Variants in SP3 observed in about 807,000 individuals in gnomAD.
The protein encoded by SP3 is Sp3 transcription factor, also known as transcription factor Sp3.
Under a neutral mutation model 70.3 loss-of-function variants are expected in SP3, and 10 were observed. The observed-to-expected ratio is 0.14, with a 90% CI of 0.09 to 0.24. The LOEUF is 0.24. SP3 is among the 10% of genes least tolerant of loss of function. The pLI is 1.00. For synonymous variants in SP3, 402 were observed against 333.5 expected, an observed-to-expected ratio of 1.21 and a Z score of -2.24; for missense variants, 825 against 914.6, an observed-to-expected ratio of 0.90 and a Z score of 1.26.
chr2:173,908,637 T>C lies in SP3; in HGVS notation c.*1304A>G, dbSNP rs1689391397. 1 of 152,438 alleles carries C rather than the reference T, an allele frequency of 6.6e-6. No individual in the cohort carries two copies. The highest frequency in any genetic ancestry group is 6.6e-5 in the Admixed American group (1 of 15,256). 9.4% of individuals were successfully genotyped at this position (152,438 alleles called of 1,614,324 possible). ...TTGAGGTGGTCTTAAGAATAACAAA[T>C]GAACAGAATTCCAAATTTTTGAAAT... On this transcript the variant is annotated 3_prime_UTR_variant, in exon 7 of 7. Coordinates refer to ENST00000310015, the MANE Select transcript of SP3 (RefSeq NM_003111.5).
rs1439630097 is a variant in SP3, at chr2:173,904,779, T to C, written c.*5162A>G. ...AGGGATGTAAGTCGGACAGATATCC[T>C]AAAAGGTCACTAAGCCAATACTTCC... On this transcript the variant is annotated 3_prime_UTR_variant, in exon 7 of 7. Coordinates refer to ENST00000310015, the MANE Select transcript of SP3 (RefSeq NM_003111.5). Among the ~76,000 whole-genome samples the C allele has an allele frequency of 2.0e-5, 3 of 152,212 alleles. No individual in the cohort carries two copies. The highest frequency in any genetic ancestry group is 7.2e-5 in the African/African-American group (3 of 41,462).
intron 4 of SP3, among the ~76,000 whole-genome samples, chr2:173,935,127 T>C (rs1690173821): frequency 6.6e-6 from 1 of 152,086 alleles, no homozygotes; most frequent in African/African-American, 2.4e-5. Flanking sequence ...TGCCTGTAAT[T>C]GGAGGCCGAG....
At chr2:173,944,612 T>C (rs112269546) in intron 4 of SP3, among the ~76,000 whole-genome samples, 5,002 of 152,248 alleles carry the variant, frequency 0.033, 143 homozygotes, top group Admixed American at 0.1. Context: ...ATAAAGTTCT[T>C]CTCTTGGAAT....
Position 173,909,685 on chromosome 2 carries a change from T to G in SP3, c.*256A>C. On this transcript the variant is annotated 3_prime_UTR_variant, in exon 7 of 7. Transcript: ENST00000310015. ...TACCATTCGCATTGTTAAATTCAATTTTCTCTTTATATAACTTGGTAAAAT... is the reference window on the plus strand; with the variant it reads ...TACCATTCGCATTGTTAAATTCAATGTTCTCTTTATATAACTTGGTAAAAT... 3.2e-6 allele frequency: 1 copy of G among 311,784 alleles called. No individual in the cohort carries two copies. The highest frequency in any genetic ancestry group is 6.0e-6 in the Non-Finnish European group (1 of 167,024). 19.3% of individuals were successfully genotyped at this position (311,784 alleles called of 1,614,324 possible).
At chr2:173,931,774 G>A (rs1690074630) in intron 4 of SP3, among the ~76,000 whole-genome samples, 1 of 152,154 alleles carries the variant, frequency 6.6e-6, no homozygotes, top group African/African-American at 2.4e-5. Flanking sequence ...TAAACCTCAT[G>A]GACCAGTATT....
At position 173,963,886 on chromosome 2, in the gene SP3, AC is replaced by A; in HGVS notation, c.157-4del. 1 of 1,496,192 alleles carries A rather than the reference AC, an allele frequency of 6.7e-7. No homozygotes were observed. Among genetic ancestry groups the A allele is most frequent in the Non-Finnish European group, 8.9e-7 (1 of 1,120,548 alleles). The allele number at this position is 1,496,192 out of a possible 1,614,324, so 92.7% of individuals were successfully genotyped here. ...GCGAGCGGTGACGGCTGAGTGTCCT[AC>A]CCCCAATGGGCGGGTTCAGAGAGGG... is the stretch of plus-strand genomic sequence containing the variant. On this transcript the variant is annotated splice_region_variant and splice_polypyrimidine_tract_variant and intron_variant, in intron 2 of 6. Coordinates refer to ENST00000310015, the MANE Select transcript of SP3 (RefSeq NM_003111.5).
intron 4 of SP3, among the ~76,000 whole-genome samples, chr2:173,924,278 C>G: frequency 6.6e-6 from 1 of 152,248 alleles, no homozygotes; most frequent in African/African-American, 2.4e-5. Flanking sequence ...ATTTTATATA[C>G]ACATACATAT....
chr2:173,963,774 G>C lies in SP3; in HGVS notation c.266C>G (p.Ala89Gly), dbSNP rs1691165401. ...EEAAAAAGAP[A>G]AAGATGDLAS... ...CGCGGGACTTACCGCTCCGGCGGCG[G>C]CGGGGGCCCCGGCTGCGGCGGCCGC... is the stretch of plus-strand genomic sequence containing the variant. The change falls in exon 3 of 7, where the codon GCC becomes GGC. Residue 89 changes from alanine to glycine, a missense_variant. Physicochemically the swap from Ala to Gly is moderately conservative, Grantham distance 60. Around this residue, in one of 4 missense-constraint regions of SP3, gnomAD observed 678 missense variants for 651.6 expected, o/e 1.04. Transcript: ENST00000310015. The C allele has an allele frequency of 6.0e-6, 8 of 1,327,282 alleles. No homozygotes were observed. Among genetic ancestry groups the C allele is most frequent in the Middle Eastern group, 3.0e-4 (1 of 3,350 alleles). The allele number at this position is 1,327,282 out of a possible 1,614,324, so 82.2% of individuals were successfully genotyped here.
chr2:173,919,606 G>A (rs912695072), intron 4 of SP3, among the ~76,000 whole-genome samples: 4 of 152,046 alleles, frequency 2.6e-5, no homozygotes, highest in African/African-American at 7.2e-5. Flanking sequence ...GTAAGAAAAG[G>A]TATTCAACAT....
intron 4 of SP3, among the ~76,000 whole-genome samples, chr2:173,947,094 A>G (rs759443422): frequency 6.6e-6 from 1 of 152,128 alleles, no homozygotes; most frequent in Non-Finnish European, 1.5e-5. Context: ...ACATCTCTGT[A>G]ATGTCTGTGA....
intron 4 of SP3, among the ~76,000 whole-genome samples, chr2:173,928,203 TAAG>T (rs1312675201): frequency 2.0e-5 from 3 of 152,184 alleles, no homozygotes; most frequent in Admixed American, 1.3e-4. Flanking sequence ...AGGCTACTCT[TAAG>T]AAACTCAAAC....
intron 4 of SP3, among the ~76,000 whole-genome samples, chr2:173,935,780 A>G (rs924432076): frequency 2.0e-5 from 3 of 152,162 alleles, no homozygotes; most frequent in Non-Finnish European, 4.4e-5. Context: ...AATTCAATCC[A>G]TTCCAACTAG....
chr2:173,965,244 G>C lies in SP3; in HGVS notation c.-73C>G, dbSNP rs1182988551. The C allele has an allele frequency of 6.6e-7, 1 of 1,519,868 alleles. No individual in the cohort carries two copies. Among genetic ancestry groups the C allele is most frequent in the Non-Finnish European group, 8.9e-7 (1 of 1,122,650 alleles). 94.1% of individuals were successfully genotyped at this position (1,519,868 alleles called of 1,614,324 possible). On this transcript the variant is annotated 5_prime_UTR_variant, in exon 1 of 7. Coordinates refer to ENST00000310015, the MANE Select transcript of SP3 (RefSeq NM_003111.5). ...GGTGAGGAGCGAAGGCGGCGGCGGC[G>C]GGAGAGGATGCGGGAAGCGGCGGCG...
At chr2:173,965,114 GGCA>G (rs749658624) in intron 1 of SP3, 48 bp downstream of exon 1, 25 of 1,546,322 alleles carry the variant, frequency 1.6e-5, no homozygotes, top group Middle Eastern at 4.4e-4. Context: ...TGTGGTCGGC[GGCA>G]GCGGCGGCGG....
chr2:173,912,432 G>T (rs1252235605), intron 6 of SP3, among the ~76,000 whole-genome samples: 2 of 152,206 alleles, frequency 1.3e-5, no homozygotes, highest in Non-Finnish European at 2.9e-5. Flanking sequence ...CAATTCTCCA[G>T]TGTTGAGCAT....
chr2:173,916,285 T>C (rs1689616871), intron 5 of SP3: 1 of 152,066 alleles, frequency 6.6e-6, no homozygotes, highest in Non-Finnish European at 1.5e-5. Flanking sequence ...ATTCTCAGAA[T>C]ACGGAAAACT....
At chr2:173,961,264 C>CT (rs1409441143) in intron 3 of SP3, among the ~76,000 whole-genome samples, 2 of 152,178 alleles carry the variant, frequency 1.3e-5, no homozygotes, top group Non-Finnish European at 2.9e-5. Flanking sequence ...ACCAAACACC[C>CT]TTGGCTAGGA....
At chr2:173,940,450 C>A (rs369003667) in intron 4 of SP3, among the ~76,000 whole-genome samples, 3 of 152,312 alleles carry the variant, frequency 2.0e-5, no homozygotes, top group South Asian at 4.1e-4. Flanking sequence ...GCTTATCGCC[C>A]ACTGCTTACT....
intron 4 of SP3, among the ~76,000 whole-genome samples, chr2:173,927,079 CA>C (rs1358437500): frequency 2.6e-5 from 4 of 151,868 alleles, no homozygotes; most frequent in African/African-American, 9.7e-5. Flanking sequence ...AAGAGGGTGG[CA>C]AGAGGTGCCA....
Sources: allele counts gnomAD v4.1 joint callset (sites outside exome capture counted in the v4.1 genomes callset), GRCh38; gene constraint gnomAD v4.1.1; regional missense constraint gnomAD v4.1.1; transcripts MANE v1.5; gene names NCBI Gene and HGNC (gene_info 2026-07-23, HGNC 2026-07-21).